VPS13D: variants seen among roughly 807,000 people sequenced by gnomAD.
VPS13D encodes vacuolar protein sorting 13 homolog D.
VPS13D carries 187 observed loss-of-function variants against 461.9 expected under a neutral mutation model. That is an observed-to-expected ratio of 0.40 (90% CI 0.36 to 0.46). The LOEUF (loss-of-function observed/expected upper bound fraction) is 0.46. VPS13D is among the 20% of genes least tolerant of loss of function. VPS13D has a pLI of 0.60. For synonymous variants in VPS13D, 1,951 were observed against 1,986.3 expected (o/e 0.98, Z 0.47); for missense variants, 4,711 against 5,364.9 (o/e 0.88, Z 3.81).
rs113839648 is a variant in VPS13D, at chr1:12,413,326, A to T, written c.12031-1761A>T. The stretch of plus-strand genomic sequence containing the variant: ...AGACCCTGTCTCTCCAAAATAAAAA[A>T]AAAAAAAATCAGCTGGGCGTGGTGG... On this transcript the variant is annotated intron_variant, in intron 63 of 69. Transcript: ENST00000620676. Among the ~76,000 whole-genome samples, 276 of 152,134 alleles carry T rather than the reference A, an allele frequency of 1.8e-3. 2 individuals carry two copies. Among genetic ancestry groups the T allele is most frequent in the African/African-American group, 6.1e-3 (253 of 41,468 alleles).
chr1:12,257,077 A>T lies in VPS13D; in HGVS notation c.931A>T (p.Ile311Leu). 6.2e-7 allele frequency: 1 copy of T among 1,614,144 alleles called. No homozygotes were observed. The highest frequency in any genetic ancestry group is 8.5e-7 in the Non-Finnish European group (1 of 1,179,970). The change falls in exon 9 of 70, where the codon ATA becomes TTA. Residue 311 changes from isoleucine (I) to leucine (L), a missense_variant. Transcript: ENST00000620676. ...KFRRWKPKVAISKNCREWWYF... is the reference protein window; with the variant it reads ...KFRRWKPKVALSKNCREWWYF... ...CCGAAGGTGGAAACCCAAGGTGGCG[A>T]TATCTAAGAAGTAAGGGCTTCTCAG...
At position 12,510,561 on chromosome 1, in the gene VPS13D, G is replaced by GCA. The variant is rs1557488024; in HGVS notation, c.*1538_*1539insAC. The stretch of plus-strand genomic sequence containing the variant: ...TGTGTGTGTGTGTGTGTGTGCGCGC[G>GCA]CGCGCGTGCATGCAGAGAGGAAGGA... On this transcript the variant is annotated 3_prime_UTR_variant, in exon 70 of 70. Coordinates refer to ENST00000620676, the MANE Select transcript of VPS13D (RefSeq NM_015378.4). 1 of 153,460 alleles carries GCA rather than the reference G, an allele frequency of 6.5e-6. No individual in the cohort carries two copies. The highest frequency in any genetic ancestry group is 2.4e-5 in the African/African-American group (1 of 41,386). 9.5% of individuals were successfully genotyped at this position (153,460 alleles called of 1,614,324 possible). A position where few individuals can be genotyped will look rare whatever the true frequency, so the allele number is the denominator to read the frequency against.
At chr1:12,407,249 C>G (rs1368856928) in intron 63 of VPS13D, 1 of 152,132 alleles carries the variant, frequency 6.6e-6, no homozygotes, top group Non-Finnish European at 1.5e-5. Flanking sequence ...GAATGAATTC[C>G]AGACAGTTTT....
chr1:12,433,559 T>C (rs546071462), intron 65 of VPS13D, among the ~76,000 whole-genome samples: 23 of 152,242 alleles, frequency 1.5e-4, no homozygotes, highest in Non-Finnish European at 2.6e-4. Flanking sequence ...CGCCAGTGAC[T>C]CTGCAGCTGG....
At chr1:12,459,727 G>A (rs879611951) in intron 66 of VPS13D, among the ~76,000 whole-genome samples, 22 of 151,888 alleles carry the variant, frequency 1.4e-4, no homozygotes, top group Non-Finnish European at 2.6e-4. Flanking sequence ...TCTGCCCGCC[G>A]CAGCCTCCCA....
intron 52 of VPS13D, among the ~76,000 whole-genome samples, chr1:12,364,346 G>A (rs772269491): frequency 6.6e-6 from 1 of 152,090 alleles, no homozygotes; most frequent in Admixed American, 6.6e-5. Flanking sequence ...ATTTCACTTA[G>A]CATAATATTG....
intron 63 of VPS13D, 28 bp from the exon 64 acceptor site, chr1:12,415,059 T>C (rs1201634601): frequency 1.2e-6 from 2 of 1,612,628 alleles, no homozygotes; most frequent in South Asian, 2.2e-5. Context: ...ATGACTTAAG[T>C]ATGTCATTTC....
intron 54 of VPS13D, among the ~76,000 whole-genome samples, chr1:12,371,194 T>C (rs1189294389): frequency 1.3e-5 from 2 of 152,016 alleles, no homozygotes; most frequent in African/African-American, 4.8e-5. Flanking sequence ...CCAAAACCTA[T>C]TGAGCAGTCA....
intron 52 of VPS13D, among the ~76,000 whole-genome samples, chr1:12,364,880 G>A (rs763248136): frequency 9.9e-5 from 15 of 152,100 alleles, no homozygotes; most frequent in Admixed American, 3.9e-4. Context: ...TATTCTAAGC[G>A]TTTTATAGTT....
chr1:12,387,868 A>T (rs536989864), intron 60 of VPS13D, among the ~76,000 whole-genome samples: 85 of 152,358 alleles, frequency 5.6e-4, no homozygotes, highest in African/African-American at 2.0e-3. Flanking sequence ...AAGAATGACA[A>T]CAGATTTCTT....
intron 63 of VPS13D, among the ~76,000 whole-genome samples, chr1:12,405,874 C>T (rs545469475): frequency 6.6e-6 from 1 of 152,290 alleles, no homozygotes; most frequent in African/African-American, 2.4e-5. Context: ...ACAGACACCT[C>T]ACTATTCCCT....
intron 67 of VPS13D, among the ~76,000 whole-genome samples, chr1:12,481,254 C>T (rs1043796588): frequency 6.6e-6 from 1 of 152,198 alleles, no homozygotes; most frequent in Admixed American, 6.5e-5. Context: ...GCTTGCAAGT[C>T]TGCATCCCAG....
chr1:12,276,228 A>G lies in VPS13D; in HGVS notation c.2640A>G (p.Pro880=), dbSNP rs149747754. 4.7e-5 allele frequency: 76 copies of G among 1,613,912 alleles called. No individual in the cohort carries two copies. Among genetic ancestry groups the G allele is most frequent in the Non-Finnish European group, 6.4e-5 (75 of 1,180,018 alleles). ...GAGCCGTGCTCTCAGGCAACTTACCAGACTTAAAAATCCACATTAATGAAG... is the reference window on the plus strand; with the variant it reads ...GAGCCGTGCTCTCAGGCAACTTACCGGACTTAAAAATCCACATTAATGAAG... ...YPGAVLSGNL[P]DLKIHINEDK... is the part of the protein sequence containing the mutation. The change falls in exon 19 of 70, where the codon CCA becomes CCG. Residue 880 remains proline, a synonymous_variant. Transcript: ENST00000620676. This position sits in a 1 kb window ranked among gnomAD's most constrained non-coding sequence, Gnocchi z 4.5.
chr1:12,433,969 TGGAG>T (rs1286631227), intron 65 of VPS13D, among the ~76,000 whole-genome samples: 4 of 146,616 alleles, frequency 2.7e-5, no homozygotes, highest in Non-Finnish European at 4.5e-5. Context: ...TGTGTGTGTG[TGGAG>T]GAGGAGGAGG....
intron 65 of VPS13D, among the ~76,000 whole-genome samples, chr1:12,439,646 G>A (rs999116074): frequency 1.3e-5 from 2 of 152,190 alleles, no homozygotes; most frequent in Non-Finnish European, 2.9e-5. Context: ...TCTCATGAGG[G>A]CTGAAAGTTT....
At chr1:12,413,246 T>G (rs1201266862) in intron 63 of VPS13D, among the ~76,000 whole-genome samples, 1 of 151,960 alleles carries the variant, frequency 6.6e-6, no homozygotes, top group Non-Finnish European at 1.5e-5. Context: ...ATCCCAGCAC[T>G]TTGGGAGGCT....
chr1:12,352,616 T>C (rs549015118), intron 46 of VPS13D, among the ~76,000 whole-genome samples: 12 of 152,316 alleles, frequency 7.9e-5, no homozygotes, highest in Admixed American at 3.3e-4. Flanking sequence ...AAGTAGCTAG[T>C]AGGAGTGTAA....
At chr1:12,471,630 C>G (rs1461795747) in intron 67 of VPS13D, among the ~76,000 whole-genome samples, 1 of 152,166 alleles carries the variant, frequency 6.6e-6, no homozygotes, top group East Asian at 1.9e-4. Context: ...TTTCCTTTCC[C>G]CATTTTTCAG....
intron 32 of VPS13D, among the ~76,000 whole-genome samples, chr1:12,321,480 A>AT (rs1220366647): frequency 6.6e-6 from 1 of 151,932 alleles, no homozygotes; most frequent in African/African-American, 2.4e-5. Flanking sequence ...GCTGCTCTTA[A>AT]TTTTTTTTAA....
Sources: gnomAD v4.1 joint callset for allele counts (sites outside exome capture counted in the v4.1 genomes callset) on GRCh38, gnomAD v4.1.1 for gene constraint, Gnocchi (gnomAD v3.1) non-coding constraint, MANE v1.5 for transcripts, NCBI Gene and HGNC (gene_info 2026-07-23, HGNC 2026-07-21) for gene names.